COP1: variants seen among roughly 807,000 people sequenced by gnomAD.
The protein encoded by COP1 is E3 ubiquitin-protein ligase COP1.
In COP1, 24 loss-of-function variants were observed where a neutral mutation model predicts 101.3. The ratio of observed to expected loss-of-function variants is 0.24; its 90% CI spans 0.17 to 0.33. COP1 has a LOEUF of 0.33. Among genes scored for constraint, COP1 ranks in the 10% least tolerant of loss-of-function variants. The probability of loss-of-function intolerance (pLI) is 1.00; values close to 1 mark genes in which losing one functional copy is unlikely to be tolerated. For synonymous variants in COP1, 347 were observed against 341.9 expected (o/e 1.01, Z -0.17); for missense variants, 663 against 906.2 (o/e 0.73, Z 3.45).
chr1:175,967,013 ATC>A (rs1311791535), intron 18 of COP1, among the ~76,000 whole-genome samples: 1 of 152,156 alleles, frequency 6.6e-6, no homozygotes, highest in Non-Finnish European at 1.5e-5. Context: ...TTAATCCCAA[ATC>A]TCTTCTTTCT....
At chr1:176,108,718 A>T (rs554177847) in intron 9 of COP1, among the ~76,000 whole-genome samples, 1 of 152,104 alleles carries the variant, frequency 6.6e-6, no homozygotes, top group Admixed American at 6.6e-5. Flanking sequence ...TTATTTGCAA[A>T]AATTGAGTAT....
chr1:175,968,497 C>CAAAA, intron 18 of COP1: 1 of 518,938 alleles, frequency 1.9e-6, no homozygotes, highest in Non-Finnish European at 3.8e-6. Context: ...AGACAAAAGG[C>CAAAA]ATTTTTTCAT....
At chr1:175,963,505 T>C (rs549893758) in intron 18 of COP1, among the ~76,000 whole-genome samples, 6 of 152,336 alleles carry the variant, frequency 3.9e-5, no homozygotes, top group Admixed American at 1.3e-4. Flanking sequence ...TTTAGCTGTG[T>C]AATCTTGGGC....
intron 15 of COP1, among the ~76,000 whole-genome samples, chr1:176,004,699 A>G (rs1363513357): frequency 6.7e-6 from 1 of 149,802 alleles, no homozygotes; most frequent in Non-Finnish European, 1.5e-5. Flanking sequence ...CCAGGGATGA[A>G]GCCCACTTGA....
chr1:176,137,187 T>A (rs1265301068), intron 6 of COP1, among the ~76,000 whole-genome samples: 1 of 152,220 alleles, frequency 6.6e-6, no homozygotes, highest in Non-Finnish European at 1.5e-5. Flanking sequence ...ATCTTTTATA[T>A]CTCGCCTATT....
At chr1:176,149,643 G>A (rs1692108855) in intron 5 of COP1, among the ~76,000 whole-genome samples, 1 of 152,104 alleles carries the variant, frequency 6.6e-6, no homozygotes, top group South Asian at 2.1e-4. Flanking sequence ...TGGACAGCTT[G>A]CGGGTAGGGA....
chr1:176,081,160 T>C lies in COP1; in HGVS notation c.1269A>G (p.Ile423Met), dbSNP rs1679061963. The C allele has an allele frequency of 6.2e-7, 1 of 1,601,970 alleles. No individual in the cohort carries two copies. The highest frequency in any genetic ancestry group is 1.3e-5 in the African/African-American group (1 of 74,354). ...ATTTGACCAATACTTACCTAGAGACTATACTGGAACCATTATAGAGATCAC... is the reference window on the plus strand; with the variant it reads ...ATTTGACCAATACTTACCTAGAGACCATACTGGAACCATTATAGAGATCAC... The part of the protein sequence containing the change: ...YASDLYNGSS[I>M]VSSIEFDRDC... The change falls in exon 11 of 20, where the codon ATA (isoleucine) becomes ATG (methionine). Residue 423 changes from isoleucine (I) to methionine (M), a missense_variant. By Grantham distance (10) the Ile-to-Met change is conservative. This residue lies in a region of COP1 where 209 missense variants were observed against 383.3 expected (regional missense o/e 0.55). Transcript: ENST00000367669.
intron 5 of COP1, among the ~76,000 whole-genome samples, chr1:176,149,748 A>G (rs970621075): frequency 1.3e-5 from 2 of 152,136 alleles, no homozygotes; most frequent in African/African-American, 4.8e-5. Context: ...TAAAAACACA[A>G]GTATGTATCA....
chr1:176,023,623 C>CAGGA (rs749692604), intron 15 of COP1, among the ~76,000 whole-genome samples: 16 of 148,214 alleles, frequency 1.1e-4, no homozygotes, highest in Middle Eastern at 7.2e-3. Context: ...GAGGCTGAGG[C>CAGGA]AGGAGAATTG....
intron 18 of COP1, among the ~76,000 whole-genome samples, chr1:175,950,871 G>A (rs972863132): frequency 1.1e-4 from 17 of 151,932 alleles, no homozygotes; most frequent in African/African-American, 3.4e-4. Context: ...AGTAGCACAC[G>A]TAGGCTAGTG....
intron 10 of COP1, among the ~76,000 whole-genome samples, chr1:176,082,351 T>C (rs549404524): frequency 1.3e-5 from 2 of 152,332 alleles, no homozygotes; most frequent in South Asian, 4.1e-4. Flanking sequence ...ATCTGAAGTA[T>C]AGTAAGCATA....
At chr1:176,014,142 T>C (rs1665184086) in intron 15 of COP1, among the ~76,000 whole-genome samples, 1 of 152,090 alleles carries the variant, frequency 6.6e-6, no homozygotes, top group Non-Finnish European at 1.5e-5. Context: ...TGATTTGAGG[T>C]GAAAATAGAG....
At chr1:176,133,392 T>C (rs1292302602) in intron 8 of COP1, among the ~76,000 whole-genome samples, 1 of 151,610 alleles carries the variant, frequency 6.6e-6, no homozygotes, top group Non-Finnish European at 1.5e-5. Flanking sequence ...ATTAGGTCTC[T>C]TTATGTGCTC....
chr1:176,124,340 T>C (rs1443819600), intron 8 of COP1, among the ~76,000 whole-genome samples: 3 of 152,152 alleles, frequency 2.0e-5, no homozygotes, highest in South Asian at 2.1e-4. Context: ...TGTTATGCTA[T>C]CAAATACTAG....
At chr1:176,166,910 C>T (rs1195147242) in intron 3 of COP1, among the ~76,000 whole-genome samples, 1 of 152,124 alleles carries the variant, frequency 6.6e-6, no homozygotes, top group African/African-American at 2.4e-5. Context: ...GTACTCCAGC[C>T]TGCATGACAG....
At chr1:176,206,388 C>T (rs1166911828) in intron 1 of COP1, 184 bp downstream of exon 1, 2 of 623,692 alleles carry the variant, frequency 3.2e-6, no homozygotes, top group Non-Finnish European at 5.4e-6. Flanking sequence ...CTCCAACATT[C>T]CTTCACCCCA....
intron 15 of COP1, among the ~76,000 whole-genome samples, chr1:176,025,771 TC>T (rs1317848514): frequency 2.0e-5 from 3 of 152,042 alleles, no homozygotes; most frequent in African/African-American, 4.8e-5. Flanking sequence ...ACGCCTGTAG[TC>T]CCAGCTACTT....
intron 11 of COP1, among the ~76,000 whole-genome samples, chr1:176,072,488 A>C (rs547286367): frequency 1.2e-4 from 19 of 152,240 alleles, no homozygotes; most frequent in Non-Finnish European, 1.9e-4. Context: ...CTCCCTCTGC[A>C]CTCCCATTCA....
chr1:176,177,512 G>A (rs1485817058), intron 2 of COP1, among the ~76,000 whole-genome samples: 4 of 151,930 alleles, frequency 2.6e-5, no homozygotes, highest in Admixed American at 2.6e-4. Flanking sequence ...AATGTTAACA[G>A]TATTTGTTTC....
Sources: gnomAD v4.1 joint callset for allele counts (sites outside exome capture counted in the v4.1 genomes callset) on GRCh38, gnomAD v4.1.1 for gene constraint, gnomAD v4.1.1 regional missense constraint, MANE v1.5 for transcripts, NCBI Gene and HGNC (gene_info 2026-07-23, HGNC 2026-07-21) for gene names.